Variants in PDZRN4 observed in about 807,000 individuals in gnomAD.
PDZRN4 encodes the protein PDZ domain-containing RING finger protein 4.
In PDZRN4, 70 loss-of-function variants were observed where a neutral mutation model predicts 99.0. That is an observed-to-expected ratio of 0.71 (90% CI 0.58 to 0.86). The LOEUF is 0.86. PDZRN4 is among the 40% of genes least tolerant of loss of function. PDZRN4 has a pLI of 0.00. For synonymous variants in PDZRN4, 551 were observed against 501.6 expected (o/e 1.10, Z -1.32); for missense variants, 1,474 against 1,331.2 (o/e 1.11, Z -1.67).
chr12:41,507,602 C>A (rs941384296), intron 4 of PDZRN4, among the ~76,000 whole-genome samples: 11 of 152,104 alleles, frequency 7.2e-5, no homozygotes, highest in African/African-American at 2.2e-4. Context: ...CACCTGGGAA[C>A]TTTCAGAAGC....
chr12:41,251,986 T>C (rs1444018088), intron 3 of PDZRN4, among the ~76,000 whole-genome samples: 1 of 151,988 alleles, frequency 6.6e-6, no homozygotes, highest in Non-Finnish European at 1.5e-5. Flanking sequence ...CATGGTAGTA[T>C]GTGCCTGTAG....
intron 3 of PDZRN4, among the ~76,000 whole-genome samples, chr12:41,483,471 C>T (rs1937715667): frequency 6.6e-6 from 1 of 152,140 alleles, no homozygotes; most frequent in Non-Finnish European, 1.5e-5. Context: ...GAGACAGTGA[C>T]TGAGATTCCC....
intron 3 of PDZRN4, among the ~76,000 whole-genome samples, chr12:41,452,628 C>T (rs1189261988): frequency 6.6e-6 from 1 of 151,958 alleles, no homozygotes; most frequent in Non-Finnish European, 1.5e-5. Flanking sequence ...GATATAGAGA[C>T]CCACAGAGTC....
rs141416806 is a variant in PDZRN4 at position 41,319,656 on chromosome 12, A to C, written c.843+125468A>C. Among the ~76,000 whole-genome samples, 752 of 152,206 alleles carry C rather than the reference A, an allele frequency of 4.9e-3. 2 individuals are homozygous for C. The highest frequency in any genetic ancestry group is 7.1e-3 in the Non-Finnish European group (485 of 67,998). On this transcript the variant is annotated intron_variant, in intron 3 of 9. Coordinates refer to ENST00000402685, the MANE Select transcript of PDZRN4 (RefSeq NM_001164595.2). ...TGAATAACCTGCCCACCAATTCCAAAATCAGCCAGGGTTTAACTTTTCTTT... is the reference window on the plus strand; with the variant it reads ...TGAATAACCTGCCCACCAATTCCAACATCAGCCAGGGTTTAACTTTTCTTT...
intron 3 of PDZRN4, among the ~76,000 whole-genome samples, chr12:41,228,155 C>G (rs1951007576): frequency 6.6e-6 from 1 of 152,094 alleles, no homozygotes; most frequent in African/African-American, 2.4e-5. Flanking sequence ...CTACTTATTA[C>G]AGAACGTTAT....
chr12:41,541,111 T>C (rs1938846827), intron 5 of PDZRN4, among the ~76,000 whole-genome samples: 1 of 151,940 alleles, frequency 6.6e-6, no homozygotes, highest in South Asian at 2.1e-4. Context: ...TTTGTATTTT[T>C]AGTAGCAACA....
intron 3 of PDZRN4, among the ~76,000 whole-genome samples, chr12:41,388,226 A>G (rs756881859): frequency 6.6e-6 from 1 of 152,156 alleles, no homozygotes; most frequent in Non-Finnish European, 1.5e-5. Context: ...TAGAGGGAAC[A>G]ACACACGCTG....
chr12:41,375,717 C>T (rs1472726707), intron 3 of PDZRN4, among the ~76,000 whole-genome samples: 1 of 152,104 alleles, frequency 6.6e-6, no homozygotes, highest in Non-Finnish European at 1.5e-5. Context: ...AAAGATCTCT[C>T]ACCTAACCTA....
chr12:41,432,629 G>A (rs964004460), intron 3 of PDZRN4, among the ~76,000 whole-genome samples: 2 of 152,184 alleles, frequency 1.3e-5, no homozygotes, highest in Admixed American at 1.3e-4. Flanking sequence ...TCCAATAAGA[G>A]AGGTAAAGCA....
chr12:41,323,233 A>G (rs1393018877), intron 3 of PDZRN4, among the ~76,000 whole-genome samples: 1 of 152,184 alleles, frequency 6.6e-6, no homozygotes, highest in Admixed American at 6.5e-5. Flanking sequence ...ACAGTCTTCT[A>G]TGGAGAGGAC....
intron 3 of PDZRN4, among the ~76,000 whole-genome samples, chr12:41,207,787 A>C (rs1007920387): frequency 1.3e-5 from 2 of 151,868 alleles, no homozygotes; most frequent in Non-Finnish European, 2.9e-5. Context: ...ATTTCATCAG[A>C]ATAAACTTCA....
At chr12:41,428,550 A>G (rs891944877) in intron 3 of PDZRN4, among the ~76,000 whole-genome samples, 31 of 152,224 alleles carry the variant, frequency 2.0e-4, no homozygotes, top group Non-Finnish European at 4.4e-4. Flanking sequence ...GAGTCATGTT[A>G]GCAGAGTTGT....
At chr12:41,492,373 A>T (rs1179308781) in intron 3 of PDZRN4, among the ~76,000 whole-genome samples, 2 of 152,188 alleles carry the variant, frequency 1.3e-5, no homozygotes, top group Admixed American at 6.6e-5. Context: ...AAAAATTAAG[A>T]AAAGGGTCAG....
At chr12:41,219,675 G>C (rs112744448) in intron 3 of PDZRN4, among the ~76,000 whole-genome samples, 3,721 of 152,146 alleles carry the variant, frequency 0.024, 111 homozygotes, top group African/African-American at 0.073. Flanking sequence ...AGATAACACA[G>C]AGTAATACTT....
At chr12:41,510,172 A>T (rs537527717) in intron 5 of PDZRN4, among the ~76,000 whole-genome samples, 16 of 152,266 alleles carry the variant, frequency 1.1e-4, no homozygotes, top group African/African-American at 3.8e-4. Flanking sequence ...CAACAGCTAC[A>T]TTTTTAAAAT....
chr12:41,424,131 A>C (rs1295263502), intron 3 of PDZRN4, among the ~76,000 whole-genome samples: 1 of 152,178 alleles, frequency 6.6e-6, no homozygotes, highest in Non-Finnish European at 1.5e-5. Context: ...TTGTGAAAAA[A>C]TATTTATTGC....
chr12:41,419,088 T>C (rs1952469919), intron 3 of PDZRN4, among the ~76,000 whole-genome samples: 1 of 152,182 alleles, frequency 6.6e-6, no homozygotes, highest in Non-Finnish European at 1.5e-5. Flanking sequence ...GAGAAATCCT[T>C]TGTTAAATGG....
At chr12:41,202,645 T>C (rs1225568749) in intron 3 of PDZRN4, among the ~76,000 whole-genome samples, 2 of 152,062 alleles carry the variant, frequency 1.3e-5, no homozygotes, top group African/African-American at 4.8e-5. Context: ...TATTTTATAA[T>C]CAGCAACTCA....
At chr12:41,523,083 C>T (rs1250854602) in intron 5 of PDZRN4, among the ~76,000 whole-genome samples, 1 of 152,000 alleles carries the variant, frequency 6.6e-6, no homozygotes, top group Non-Finnish European at 1.5e-5. Flanking sequence ...AGTGCTTAGT[C>T]CTGTGTGACC....
Sources: allele counts gnomAD v4.1 joint callset (sites outside exome capture counted in the v4.1 genomes callset), GRCh38; gene constraint gnomAD v4.1.1; transcripts MANE v1.5; gene names NCBI Gene and HGNC (gene_info 2026-07-23, HGNC 2026-07-21).